Variants in TMEM266 observed in about 807,000 individuals in gnomAD.
TMEM266 encodes the protein Hv1 related protein 1.
In TMEM266, 33 loss-of-function variants were observed where a neutral mutation model predicts 50.5. The observed-to-expected ratio is 0.65, with a 90% CI of 0.50 to 0.87. The LOEUF (loss-of-function observed/expected upper bound fraction) is 0.87, where lower values mean the gene tolerates loss of function less well. TMEM266 is among the 40% of genes least tolerant of loss of function. The pLI, the probability that TMEM266 is intolerant of heterozygous loss-of-function variation, is 0.00. For synonymous variants in TMEM266, 310 were observed against 292.3 expected (o/e 1.06, Z -0.62); for missense variants, 655 against 695.1 (o/e 0.94, Z 0.65).
intron 1 of TMEM266, among the ~76,000 whole-genome samples, chr15:76,086,406 G>A (rs1023718212): frequency 1.3e-5 from 2 of 152,192 alleles, no homozygotes; most frequent in African/African-American, 4.8e-5. Context: ...ACTTTCTGGG[G>A]TGATGGAAAT....
intron 9 of TMEM266, among the ~76,000 whole-genome samples, chr15:76,198,288 T>A (rs2038686180): frequency 1.3e-5 from 2 of 152,196 alleles, no homozygotes; most frequent in African/African-American, 4.8e-5. Flanking sequence ...TGCCCATTCT[T>A]TCCTGCCCCT....
chr15:76,188,141 C>A (rs540341203), intron 8 of TMEM266, among the ~76,000 whole-genome samples: 21 of 147,752 alleles, frequency 1.4e-4, no homozygotes, highest in African/African-American at 5.1e-4. Context: ...AACTGATAAT[C>A]CTTTAAAAAT....
intron 8 of TMEM266, among the ~76,000 whole-genome samples, chr15:76,184,109 T>C (rs1377750688): frequency 6.6e-6 from 1 of 152,212 alleles, no homozygotes; most frequent in Non-Finnish European, 1.5e-5. Flanking sequence ...AAGCCGTGGT[T>C]CCATGCTGGC....
At chr15:76,202,395 A>G in intron 10 of TMEM266, 131 bp downstream of exon 10, 2 of 802,908 alleles carry the variant, frequency 2.5e-6, no homozygotes, top group Non-Finnish European at 3.9e-6. Flanking sequence ...GGCAGTGCTC[A>G]AGGTTAAAAT....
At chr15:76,156,455 G>A (rs2935971) in intron 3 of TMEM266, 149 bp from the exon 4 acceptor site, 211,626 of 716,012 alleles carry the variant, frequency 0.3, 35,345 homozygotes, top group African/African-American at 0.47. Flanking sequence ...CCTCTTGAAT[G>A]AGGTTGTGTT....
chr15:76,146,571 G>A (rs2037760245), intron 3 of TMEM266, among the ~76,000 whole-genome samples: 1 of 152,032 alleles, frequency 6.6e-6, no homozygotes, highest in Non-Finnish European at 1.5e-5. Context: ...AACATAATGG[G>A]GGCACAGGGA....
chr15:76,187,387 C>T (rs764175532), intron 8 of TMEM266, among the ~76,000 whole-genome samples: 13 of 152,186 alleles, frequency 8.5e-5, no homozygotes, highest in Non-Finnish European at 1.5e-4. Context: ...CTGCAGGCCT[C>T]GATGAGTGGC....
chr15:76,101,522 A>G (rs536920770), intron 1 of TMEM266, among the ~76,000 whole-genome samples: 7 of 152,360 alleles, frequency 4.6e-5, no homozygotes, highest in Non-Finnish European at 8.8e-5. Flanking sequence ...GCACTGACAC[A>G]TTGGGAGACT....
chr15:76,172,146 A>G (rs1411752392), intron 7 of TMEM266, among the ~76,000 whole-genome samples: 1 of 152,200 alleles, frequency 6.6e-6, no homozygotes, highest in Non-Finnish European at 1.5e-5. Flanking sequence ...TTGTATAGAC[A>G]GTGGTTCCCA....
chr15:76,072,899 G>A (rs1339214798), intron 1 of TMEM266, among the ~76,000 whole-genome samples: 2 of 151,590 alleles, frequency 1.3e-5, no homozygotes, highest in African/African-American at 4.9e-5. Flanking sequence ...GCCTCCCAAA[G>A]TGCTGGGATT....
intron 1 of TMEM266, among the ~76,000 whole-genome samples, chr15:76,089,764 A>C (rs2036824655): frequency 1.3e-5 from 2 of 152,088 alleles, no homozygotes; most frequent in Admixed American, 1.3e-4. Context: ...GCAAGTTGGG[A>C]GTTGTTTCAG....
chr15:76,100,658 G>A (rs2036987834), intron 1 of TMEM266, among the ~76,000 whole-genome samples: 1 of 152,166 alleles, frequency 6.6e-6, no homozygotes, highest in Non-Finnish European at 1.5e-5. Flanking sequence ...CTTCAATTCA[G>A]GGAACTCAGA....
intron 3 of TMEM266, among the ~76,000 whole-genome samples, chr15:76,152,680 C>G (rs1307375141): frequency 6.6e-6 from 1 of 152,092 alleles, no homozygotes; most frequent in African/African-American, 2.4e-5. Flanking sequence ...CCCCCATCAG[C>G]TTTCTCACAT....
At chr15:76,064,387 C>T (rs2036371084) in intron 1 of TMEM266, among the ~76,000 whole-genome samples, 1 of 151,896 alleles carries the variant, frequency 6.6e-6, no homozygotes, top group African/African-American at 2.4e-5. Flanking sequence ...AGGAAGGACT[C>T]CACATATATC....
intron 1 of TMEM266, among the ~76,000 whole-genome samples, chr15:76,116,803 T>G (rs2037253431): frequency 6.6e-6 from 1 of 152,182 alleles, no homozygotes; most frequent in African/African-American, 2.4e-5. Flanking sequence ...TACAGACAAC[T>G]TTTCACGTTA....
chr15:76,163,782 C>T (rs948624451), intron 5 of TMEM266, among the ~76,000 whole-genome samples: 3 of 152,254 alleles, frequency 2.0e-5, no homozygotes, highest in Non-Finnish European at 4.4e-5. Flanking sequence ...AGCTCTTTCC[C>T]TGGGAGAAGA....
chr15:76,070,833 T>A (rs74584028), intron 1 of TMEM266, among the ~76,000 whole-genome samples: 1 of 152,114 alleles, frequency 6.6e-6, no homozygotes, highest in Non-Finnish European at 1.5e-5. Context: ...ATCTTGATAT[T>A]CCTCCAAATA....
At chr15:76,109,490 T>C (rs920384596) in intron 1 of TMEM266, among the ~76,000 whole-genome samples, 1 of 152,172 alleles carries the variant, frequency 6.6e-6, no homozygotes. Flanking sequence ...TTACACACTT[T>C]CTGGCACACT....
At chr15:76,188,081 CCCCCCCCA>C (rs2038515207) in intron 8 of TMEM266, among the ~76,000 whole-genome samples, 1 of 147,396 alleles carries the variant, frequency 6.8e-6, no homozygotes, top group Admixed American at 6.7e-5. Flanking sequence ...AGTATGCCTT[CCCCCCCCA>C]CCCCGCCCCA....
Sources: gnomAD v4.1 joint callset for allele counts (sites outside exome capture counted in the v4.1 genomes callset) on GRCh38, gnomAD v4.1.1 for gene constraint, MANE v1.5 for transcripts, NCBI Gene and HGNC (gene_info 2026-07-23, HGNC 2026-07-21) for gene names.